Variants in WDHD1 observed in about 807,000 individuals in gnomAD.
The protein encoded by WDHD1 is WD repeat and HMG-box DNA binding protein 1.
In WDHD1, 111 loss-of-function variants were observed where a neutral mutation model predicts 135.4. The ratio of observed to expected loss-of-function variants is 0.82; its 90% CI spans 0.70 to 0.96. The LOEUF (loss-of-function observed/expected upper bound fraction) is 0.96, where lower values mean the gene tolerates loss of function less well. Among genes scored for constraint, WDHD1 ranks in the 40% least tolerant of loss-of-function variants. The pLI, the probability that WDHD1 is intolerant of heterozygous loss-of-function variation, is 0.00. For missense variants in WDHD1, 1,351 were observed against 1,336.3 expected, an observed-to-expected ratio of 1.01 and a Z score of -0.17; for synonymous variants, 434 against 439.0, an observed-to-expected ratio of 0.99 and a Z score of 0.14.
At chr14:54,947,847 C>T (rs971652308) in intron 24 of WDHD1, among the ~76,000 whole-genome samples, 4 of 151,944 alleles carry the variant, frequency 2.6e-5, no homozygotes, top group Non-Finnish European at 5.9e-5. Flanking sequence ...CCACCTCAGC[C>T]TCCCAAAGTG....
At chr14:54,945,885 C>A (rs1222229398) in intron 24 of WDHD1, among the ~76,000 whole-genome samples, 1 of 152,092 alleles carries the variant, frequency 6.6e-6, no homozygotes, top group African/African-American at 2.4e-5. Context: ...CCTCACTAGG[C>A]TGAACCTAAA....
At position 54,966,529 on chromosome 14, in the gene WDHD1, G is replaced by A. The variant is rs1287449814; in HGVS notation, c.2256C>T (p.Ser752=). The A allele has an allele frequency of 1.2e-6, 2 of 1,608,850 alleles. No individual in the cohort carries two copies. The highest frequency in any genetic ancestry group is 1.7e-6 in the Non-Finnish European group (2 of 1,178,968). ...GCTCTTTTGTTGCTTGATTTTTAGT[G>A]CTCTCTTCATATTCATAACCATTTT... The part of the protein sequence containing the change: ...LAKNGYEYEE[S]TKNQATKEQQ... Residue 752 remains serine (S), a synonymous_variant, in exon 18 of 26, where the codon AGC becomes AGT. Coordinates refer to ENST00000360586, the MANE Select transcript of WDHD1 (RefSeq NM_007086.4).
intron 8 of WDHD1, 132 bp downstream of exon 8, chr14:55,001,961 A>G (rs2041987258): frequency 1.5e-6 from 1 of 656,126 alleles, no homozygotes; most frequent in Middle Eastern, 2.5e-4. Context: ...ATGAGCTGTT[A>G]GAAGATGGAC....
In WDHD1 at chr14:54,984,865, T is replaced by G. The variant is rs1204994693; in HGVS notation, c.1769-5A>C. On this transcript the variant is annotated splice_region_variant and splice_polypyrimidine_tract_variant and intron_variant, in intron 14 of 25. Coordinates refer to ENST00000360586, the MANE Select transcript of WDHD1 (RefSeq NM_007086.4). ...GATCCCCATCAAATCCTGTACCTAA[T>G]GAGAAAATGTAAATATAAATCAGGC... is the stretch of plus-strand genomic sequence containing the variant. The G allele has an allele frequency of 6.2e-7, 1 of 1,607,978 alleles. No individual in the cohort carries two copies. The highest frequency in any genetic ancestry group is 8.5e-7 in the Non-Finnish European group (1 of 1,178,396).
chr14:54,958,067 A>T (rs1429605206), intron 21 of WDHD1, among the ~76,000 whole-genome samples: 2 of 151,900 alleles, frequency 1.3e-5, no homozygotes, highest in African/African-American at 2.4e-5. Context: ...AACAAAAAAC[A>T]AACCTTCTCT....
chr14:55,014,550 G>C (rs185505761), intron 2 of WDHD1, among the ~76,000 whole-genome samples: 1 of 152,260 alleles, frequency 6.6e-6, no homozygotes, highest in East Asian at 1.9e-4. Context: ...TAAATGAATA[G>C]ATGTATGAGC....
intron 21 of WDHD1, among the ~76,000 whole-genome samples, chr14:54,960,760 C>T (rs1391906170): frequency 1.3e-5 from 2 of 151,580 alleles, no homozygotes; most frequent in Non-Finnish European, 2.9e-5. Context: ...CCTGCCTCGG[C>T]CTCCCAAAGT....
chr14:55,001,972 C>T (rs1383470624), intron 8 of WDHD1, 121 bp downstream of exon 8: 2 of 684,256 alleles, frequency 2.9e-6, no homozygotes, highest in Non-Finnish European at 5.1e-6. Flanking sequence ...GAAGATGGAC[C>T]ACATACAACA....
chr14:55,026,814 TTTATAAAAGCCAGTCTTATTATTTCAAAA>T lies in WDHD1; in HGVS notation c.-16-40_-16-12del. The T allele has an allele frequency of 1.2e-6, 2 of 1,612,700 alleles. No homozygotes were observed. ...TTTTCCTTTACCTATCTGAAAATGT[TTTATAAAAGCCAGTCTTATTATTTCAAAA>T]GAGAAAAGCAGCGAGGCTAGGGATA... On this transcript the variant is annotated splice_polypyrimidine_tract_variant and intron_variant, in intron 1 of 25. Coordinates refer to ENST00000360586, the MANE Select transcript of WDHD1 (RefSeq NM_007086.4).
Position 54,962,794 on chromosome 14 carries a change from T to A in WDHD1, c.2591A>T (p.Asp864Val), listed in dbSNP as rs1293578760. 1.2e-6 allele frequency: 2 copies of A among 1,613,706 alleles called. No homozygotes were observed. The highest frequency in any genetic ancestry group is 2.7e-5 in the African/African-American group (2 of 75,060). ...QPRFRNQVEEDAEDSGEADDE... is the reference protein window; with the variant it reads ...QPRFRNQVEEVAEDSGEADDE... The stretch of plus-strand genomic sequence containing the variant: ...ATCAGCTTCTCCACTGTCCTCAGCA[T>A]CTTCTTCAACTTGATTTCTGAACCT... The change falls in exon 20 of 26, where the codon GAT becomes GTT. Residue 864 changes from aspartate (D) to valine (V), a missense_variant. Around this residue, in one of 2 missense-constraint regions of WDHD1, gnomAD observed 1,330 missense variants for 1,296.1 expected, o/e 1.03. Coordinates refer to ENST00000360586, the MANE Select transcript of WDHD1 (RefSeq NM_007086.4).
intron 16 of WDHD1, among the ~76,000 whole-genome samples, chr14:54,980,977 G>A (rs977159053): frequency 6.6e-6 from 1 of 151,416 alleles, no homozygotes; most frequent in Non-Finnish European, 1.5e-5. Context: ...CAGGCGTGAT[G>A]GTGCGCACCT....
At chr14:54,997,364 G>T (rs2041899838) in intron 10 of WDHD1, among the ~76,000 whole-genome samples, 1 of 152,034 alleles carries the variant, frequency 6.6e-6, no homozygotes, top group Admixed American at 6.6e-5. Flanking sequence ...CAAAAGTTCT[G>T]GGATTGTAGG....
At chr14:54,959,794 C>A (rs1327711857) in intron 21 of WDHD1, among the ~76,000 whole-genome samples, 1 of 151,522 alleles carries the variant, frequency 6.6e-6, no homozygotes, top group Non-Finnish European at 1.5e-5. Flanking sequence ...ACCCCCCCCA[C>A]CAAACAAAAA....
intron 24 of WDHD1, among the ~76,000 whole-genome samples, chr14:54,953,364 T>C (rs551376504): frequency 2.0e-5 from 3 of 152,122 alleles, no homozygotes; most frequent in Admixed American, 1.3e-4. Context: ...AACAGACACA[T>C]GAAAAAATGC....
rs761619725 is a variant in WDHD1 at position 54,981,661 on chromosome 14, G to C, written c.1942C>G (p.Arg648Gly). Reference sequence around the variant, plus strand: ...TTACCAAGTCCTCTGTTAAGCATTCGAACAATTCCTTCTGAATCCACGTAA... The same window carrying C: ...TTACCAAGTCCTCTGTTAAGCATTCCAACAATTCCTTCTGAATCCACGTAA... ...PCYVDSEGIV[R>G]MLNRGLGNTW... The change falls in exon 16 of 26, where the codon CGA becomes GGA. Residue 648 changes from arginine to glycine, a missense_variant. Transcript: ENST00000360586. The C allele has an allele frequency of 6.2e-7, 1 of 1,610,640 alleles. No homozygotes were observed. Among genetic ancestry groups the C allele is most frequent in the Non-Finnish European group, 8.5e-7 (1 of 1,177,400 alleles).
intron 16 of WDHD1, among the ~76,000 whole-genome samples, chr14:54,968,541 G>A (rs553437269): frequency 6.6e-6 from 1 of 151,982 alleles, no homozygotes; most frequent in South Asian, 2.1e-4. Context: ...TGAGACTAAA[G>A]AATCCATACA....
intron 21 of WDHD1, among the ~76,000 whole-genome samples, chr14:54,959,756 G>C (rs186766114): frequency 1.3e-5 from 2 of 151,674 alleles, no homozygotes; most frequent in African/African-American, 4.8e-5. Flanking sequence ...TCCAGTCTGA[G>C]TGACAAAGCA....
At chr14:54,955,781 T>C (rs1261002264) in intron 23 of WDHD1, 87 bp from the exon 24 acceptor site, 1 of 1,158,848 alleles carries the variant, frequency 8.6e-7, no homozygotes, top group African/African-American at 1.6e-5. Context: ...TGAAGAAACA[T>C]CTATAATTAT....
chr14:54,984,838 C>T lies in WDHD1; in HGVS notation c.1791G>A (p.Gln597=). 3 of 1,612,552 alleles carry T rather than the reference C, an allele frequency of 1.9e-6. No individual in the cohort carries two copies. The highest frequency in any genetic ancestry group is 1.7e-6 in the Non-Finnish European group (2 of 1,179,468). Residue 597 remains glutamine (Q), a synonymous_variant, in exon 15 of 26, where the codon CAG becomes CAA. Transcript: ENST00000360586. ...YHRGTGFDGD[Q]CLGVQLLELG... ...GCTCTAGCAGTTGAACTCCAAGGCA[C>T]TGATCCCCATCAAATCCTGTACCTA...
Sources: gnomAD v4.1 joint callset for allele counts (sites outside exome capture counted in the v4.1 genomes callset) on GRCh38, gnomAD v4.1.1 for gene constraint, gnomAD v4.1.1 regional missense constraint, MANE v1.5 for transcripts, NCBI Gene and HGNC (gene_info 2026-07-23, HGNC 2026-07-21) for gene names.